Variants in DCLRE1A observed in about 807,000 individuals in gnomAD.
DCLRE1A encodes DNA cross-link repair 1A protein.
DCLRE1A carries 64 observed loss-of-function variants against 91.9 expected under a neutral mutation model. That is an observed-to-expected ratio of 0.70 (90% CI 0.57 to 0.86). The LOEUF is 0.86. Among genes scored for constraint, DCLRE1A ranks in the 40% least tolerant of loss-of-function variants. DCLRE1A has a pLI of 0.00. For missense variants in DCLRE1A, 1,145 were observed against 1,213.3 expected (o/e 0.94, Z 0.84); for synonymous variants, 416 against 431.1 (o/e 0.96, Z 0.43).
At chr10:113,843,023 T>TACACACACAC in intron 5 of DCLRE1A, among the ~76,000 whole-genome samples, 1 of 145,982 alleles carries the variant, frequency 6.9e-6, no homozygotes, top group East Asian at 2.0e-4. Flanking sequence ...TGTACATGTG[T>TACACACACAC]ACACACACAC....
chr10:113,844,245 C>T lies in DCLRE1A; in HGVS notation c.2379-1G>A. ...GAGGATCATGACAGCACCTGGACAG[C>T]TGAACACAAATGTCAAAGGAATGTT... On this transcript the variant is annotated splice_acceptor_variant, in intron 4 of 8. Transcript: ENST00000361384. LOFTEE classifies it high-confidence loss of function. 6.2e-7 allele frequency: 1 copy of T among 1,613,598 alleles called. No homozygotes were observed. The highest frequency in any genetic ancestry group is 8.5e-7 in the Non-Finnish European group (1 of 1,179,850).
At chr10:113,837,019 A>C (rs1303000117) in intron 8 of DCLRE1A, 43 bp downstream of exon 8, 8 of 1,475,674 alleles carry the variant, frequency 5.4e-6, no homozygotes, top group Non-Finnish European at 7.3e-6. Flanking sequence ...ATGTAATTAT[A>C]AACATTATAA....
chr10:113,838,446 G>T (rs1213984915), intron 7 of DCLRE1A, among the ~76,000 whole-genome samples: 1 of 151,898 alleles, frequency 6.6e-6, no homozygotes, highest in Non-Finnish European at 1.5e-5. Flanking sequence ...GCTTTTTGTG[G>T]GACAAATTGG....
At position 113,844,127 on chromosome 10, in the gene DCLRE1A, G is replaced by C; in HGVS notation, c.2496C>G (p.Val832=). ...ACGTGGTATCTAAGTACAGCATATG[G>C]ACTTTCTGGTCCGCAAGAAGAGAAC... ...MERSLLADQK[V]HMLYLDTTYC... Residue 832 remains valine, a synonymous_variant, in exon 5 of 9, where the codon GTC becomes GTG. Transcript: ENST00000361384. 6.2e-7 allele frequency: 1 copy of C among 1,614,140 alleles called. No individual in the cohort carries two copies. Among genetic ancestry groups the C allele is most frequent in the Non-Finnish European group, 8.5e-7 (1 of 1,180,012 alleles).
At chr10:113,848,898 C>T in intron 2 of DCLRE1A, 82 bp downstream of exon 2, 2 of 1,312,938 alleles carry the variant, frequency 1.5e-6, no homozygotes, top group Non-Finnish European at 2.1e-6. Flanking sequence ...CTCATACACA[C>T]ACACACACAC....
At chr10:113,836,732 T>A (rs1036924886) in intron 8 of DCLRE1A, among the ~76,000 whole-genome samples, 1 of 152,150 alleles carries the variant, frequency 6.6e-6, no homozygotes. Context: ...ATCTAACCCA[T>A]CATCTTCCCG....
rs182022677 is a variant in DCLRE1A at position 113,852,108 on chromosome 10, G to A, written c.460+615C>T. ...TACCAGCACTTTGGGAGGCCGAGGC[G>A]GGCAGATCACGAGGTCAGGAGATCG... On this transcript the variant is annotated intron_variant, in intron 1 of 8. Coordinates refer to ENST00000361384, the MANE Select transcript of DCLRE1A (RefSeq NM_014881.5). Among the ~76,000 whole-genome samples, 783 of 152,268 alleles carry A rather than the reference G, an allele frequency of 5.1e-3. 3 individuals carry two copies. Among genetic ancestry groups the A allele is most frequent in the African/African-American group, 0.014 (566 of 41,560 alleles).
In DCLRE1A at chr10:113,852,810, A is replaced by G. The variant is rs1444775164; in HGVS notation, c.373T>C (p.Cys125Arg). The G allele has an allele frequency of 6.2e-7, 1 of 1,614,098 alleles. No homozygotes were observed. The highest frequency in any genetic ancestry group is 8.5e-7 in the Non-Finnish European group (1 of 1,180,022). Residue 125 changes from cysteine to arginine, a missense_variant, in exon 1 of 9, where the codon TGC becomes CGC. Cys to Arg is a radical substitution (Grantham distance 180). Transcript: ENST00000361384. ...ATCAATGAGGAAAAAGGCATCTGGC[A>G]ATTTGGACAGTATCCATCATAAACT... ...RPVYDGYCPN[C>R]QMPFSSLIGQ...
chr10:113,845,189 G>T (rs1300038654), intron 4 of DCLRE1A, among the ~76,000 whole-genome samples: 1 of 151,252 alleles, frequency 6.6e-6, no homozygotes, highest in Non-Finnish European at 1.5e-5. Context: ...TATATTAAAA[G>T]AAAAAAAGAG....
At chr10:113,845,436 A>C (rs1845521237) in intron 4 of DCLRE1A, among the ~76,000 whole-genome samples, 1 of 152,222 alleles carries the variant, frequency 6.6e-6, no homozygotes, top group South Asian at 2.1e-4. Context: ...ATAAGATGGA[A>C]TCTCAGATGT....
Position 113,835,234 on chromosome 10 carries a change from G to C in DCLRE1A, c.3041C>G (p.Pro1014Arg), listed in dbSNP as rs1845344173. 1 of 1,613,942 alleles carries C rather than the reference G, an allele frequency of 6.2e-7. No individual in the cohort carries two copies. The highest frequency in any genetic ancestry group is 1.3e-5 in the African/African-American group (1 of 74,892). The change falls in exon 9 of 9, where the codon CCT (proline) becomes CGT (arginine). Residue 1014 changes from proline (P) to arginine (R), a missense_variant. Coordinates refer to ENST00000361384, the MANE Select transcript of DCLRE1A (RefSeq NM_014881.5). ...VQWLKPQKII[P>R]TVNVGTWKSR... is the part of the protein sequence containing the mutation. ...TTTCCAGGTGCCCACATTTACAGTA[G>C]GTATGATTTTCTGGGGCTTCAGCCA...
At chr10:113,842,220 G>T in intron 6 of DCLRE1A, 123 bp downstream of exon 6, 2 of 849,914 alleles carry the variant, frequency 2.4e-6, no homozygotes, top group Admixed American at 3.1e-5. Flanking sequence ...AACTTCAAAG[G>T]TAATATTGAA....
intron 5 of DCLRE1A, among the ~76,000 whole-genome samples, 169 bp downstream of exon 5, chr10:113,843,935 A>G (rs1449173425): frequency 6.6e-6 from 1 of 152,228 alleles, no homozygotes; most frequent in East Asian, 1.9e-4. Flanking sequence ...TAACACATAC[A>G]ATCTCAAATT....
chr10:113,853,155 T>C lies in DCLRE1A; in HGVS notation c.28A>G (p.Ile10Val). MLEDISEED[I>V]WEYKSKRKPK... ...TTTCTTTTAGATTTGTATTCCCAAA[T>C]GTCTTCTTCGGAAATGTCTTCTAAC... The change falls in exon 1 of 9, where the codon ATT becomes GTT. Residue 10 changes from isoleucine (I) to valine (V), a missense_variant. Coordinates refer to ENST00000361384, the MANE Select transcript of DCLRE1A (RefSeq NM_014881.5). 6.3e-7 allele frequency: 1 copy of C among 1,576,612 alleles called. No individual in the cohort carries two copies. The highest frequency in any genetic ancestry group is 1.2e-5 in the South Asian group (1 of 84,018).
intron 5 of DCLRE1A, 72 bp downstream of exon 5, chr10:113,844,032 T>C (rs1315085186): frequency 1.9e-6 from 3 of 1,551,404 alleles, no homozygotes; most frequent in Non-Finnish European, 2.6e-6. Context: ...AAGCCATCAT[T>C]TTGATAACCA....
rs1298384755 is a variant in DCLRE1A at position 113,850,347 on chromosome 10, TG to T, written c.757del (p.Gln253LysfsTer18). 1.9e-6 allele frequency: 3 copies of T among 1,614,238 alleles called. No individual in the cohort carries two copies. The highest frequency in any genetic ancestry group is 1.1e-5 in the South Asian group (1 of 91,084). ...AAATTGTAGAGCTTGTTGGGATGTT[TG>T]GATATGAGTAGAAATCTTTTCACTG... ...EASEKISTHI[Q>X]TSQQALQFTD... On this transcript the variant is annotated frameshift_variant, in exon 2 of 9. Transcript: ENST00000361384. LOFTEE classifies it high-confidence loss of function.
chr10:113,848,124 T>C (rs17235129), intron 2 of DCLRE1A, among the ~76,000 whole-genome samples: 20,976 of 152,022 alleles, frequency 0.14, 1,878 homozygotes, highest in Non-Finnish European at 0.2. Context: ...CCATCCTGGC[T>C]AGCACGGTGA....
chr10:113,851,722 CTTTTT>C (rs368490659), intron 1 of DCLRE1A, among the ~76,000 whole-genome samples: 7 of 141,138 alleles, frequency 5.0e-5, no homozygotes, highest in Admixed American at 2.9e-4. Context: ...TATATCTATA[CTTTTT>C]TTTTTTTTTT....
intron 1 of DCLRE1A, among the ~76,000 whole-genome samples, 186 bp downstream of exon 1, chr10:113,852,537 T>A (rs1025920472): frequency 6.6e-6 from 1 of 152,238 alleles, no homozygotes; most frequent in Admixed American, 6.5e-5. Context: ...TAACACAATG[T>A]ATTTAAACTG....
Sources: gnomAD v4.1 joint callset for allele counts (sites outside exome capture counted in the v4.1 genomes callset) on GRCh38, gnomAD v4.1.1 for gene constraint, MANE v1.5 for transcripts, NCBI Gene and HGNC (gene_info 2026-07-23, HGNC 2026-07-21) for gene names.